The following KCNH1 variants were observed in gnomAD, a reference collection of about 807,000 sequenced individuals.
The protein encoded by KCNH1 is potassium voltage-gated channel subfamily H member 1.
In KCNH1, 27 loss-of-function variants were observed where a neutral mutation model predicts 69.2. The ratio of observed to expected loss-of-function variants is 0.39; its 90% CI spans 0.29 to 0.54. The LOEUF is 0.54. KCNH1 is among the 20% of genes least tolerant of loss of function. The pLI is 0.68. For missense variants in KCNH1, 798 were observed against 1,261.6 expected, an observed-to-expected ratio of 0.63 and a Z score of 5.57; for synonymous variants, 456 against 487.7, an observed-to-expected ratio of 0.93 and a Z score of 0.86.
intron 2 of KCNH1, among the ~76,000 whole-genome samples, chr1:211,106,851 A>G (rs1181440229): frequency 6.6e-6 from 1 of 152,216 alleles, no homozygotes; most frequent in Non-Finnish European, 1.5e-5. Context: ...CCTTGTCTCC[A>G]ACATTGTAGT....
intron 10 of KCNH1, among the ~76,000 whole-genome samples, chr1:210,753,165 G>A (rs1192740773): frequency 3.3e-5 from 5 of 152,154 alleles, no homozygotes; most frequent in Non-Finnish European, 7.4e-5. Flanking sequence ...CCAAATTTAT[G>A]ATAATCTGCT....
At chr1:210,985,888 A>G (rs1202613765) in intron 6 of KCNH1, among the ~76,000 whole-genome samples, 4 of 152,108 alleles carry the variant, frequency 2.6e-5, no homozygotes, top group Non-Finnish European at 5.9e-5. Context: ...TAGGGTGTTA[A>G]AGTCTCCCAT....
intron 6 of KCNH1, among the ~76,000 whole-genome samples, chr1:210,929,626 G>C (rs887306272): frequency 6.6e-6 from 1 of 152,134 alleles, no homozygotes; most frequent in African/African-American, 2.4e-5. Flanking sequence ...AACAAGACAA[G>C]GTTGCCCACT....
chr1:211,103,120 T>A (rs929731763), intron 3 of KCNH1, among the ~76,000 whole-genome samples: 1 of 152,240 alleles, frequency 6.6e-6, no homozygotes, highest in African/African-American at 2.4e-5. Context: ...TGCTAAGTGC[T>A]GTGGAAGATA....
At chr1:210,859,183 C>T (rs1048891449) in intron 7 of KCNH1, 1 of 1,579,750 alleles carries the variant, frequency 6.3e-7, no homozygotes, top group African/African-American at 1.3e-5. Flanking sequence ...CTCAATTCAT[C>T]CCTGGTACTG....
At chr1:211,048,232 T>C (rs1690129540) in intron 5 of KCNH1, among the ~76,000 whole-genome samples, 1 of 152,226 alleles carries the variant, frequency 6.6e-6, no homozygotes, top group African/African-American at 2.4e-5. Flanking sequence ...ACACTGCCGG[T>C]GTGAATGTTA....
chr1:210,843,693 G>C (rs17267227), intron 7 of KCNH1, among the ~76,000 whole-genome samples: 4,243 of 152,214 alleles, frequency 0.028, 95 homozygotes, highest in Middle Eastern at 0.065. Context: ...GTGTAGAAAG[G>C]AGCACAGCAT....
At chr1:210,898,505 G>C (rs939489033) in intron 7 of KCNH1, among the ~76,000 whole-genome samples, 1 of 152,114 alleles carries the variant, frequency 6.6e-6, no homozygotes, top group Non-Finnish European at 1.5e-5. Flanking sequence ...AGACACCTCA[G>C]GGATTCAGAA....
intron 10 of KCNH1, among the ~76,000 whole-genome samples, chr1:210,738,578 T>C (rs1242159349): frequency 7.3e-6 from 1 of 136,278 alleles, no homozygotes; most frequent in African/African-American, 3.1e-5. Flanking sequence ...TTTTTTTTTT[T>C]TTTCTGAGAC....
intron 7 of KCNH1, among the ~76,000 whole-genome samples, chr1:210,845,932 A>C (rs1479002436): frequency 7.2e-5 from 11 of 152,238 alleles, no homozygotes; most frequent in African/African-American, 2.7e-4. Flanking sequence ...TTATACACCA[A>C]TAACAGACAA....
intron 5 of KCNH1, among the ~76,000 whole-genome samples, chr1:211,073,656 T>C (rs1325143060): frequency 1.3e-5 from 2 of 152,098 alleles, no homozygotes; most frequent in African/African-American, 2.4e-5. Flanking sequence ...AAATAAAATA[T>C]ATTTTAACTA....
At chr1:210,880,093 G>A (rs909054583) in intron 7 of KCNH1, among the ~76,000 whole-genome samples, 3 of 152,078 alleles carry the variant, frequency 2.0e-5, no homozygotes, top group Admixed American at 2.0e-4. Flanking sequence ...AATTAAAGAA[G>A]AAAATAAATA....
At chr1:210,877,735 A>T (rs905633455) in intron 7 of KCNH1, among the ~76,000 whole-genome samples, 2 of 152,200 alleles carry the variant, frequency 1.3e-5, no homozygotes, top group African/African-American at 4.8e-5. Flanking sequence ...CTAACACTGG[A>T]AATAAAAATT....
At chr1:210,792,385 C>T (rs1684227772) in intron 9 of KCNH1, among the ~76,000 whole-genome samples, 1 of 152,204 alleles carries the variant, frequency 6.6e-6, no homozygotes, top group Admixed American at 6.5e-5. Flanking sequence ...TAACCTCTGC[C>T]TTCCTTTCAA....
At chr1:210,807,530 T>C (rs1459909078) in intron 7 of KCNH1, among the ~76,000 whole-genome samples, 1 of 151,936 alleles carries the variant, frequency 6.6e-6, no homozygotes, top group Non-Finnish European at 1.5e-5. Flanking sequence ...AAGAATCACT[T>C]GAACCTGGGA....
intron 10 of KCNH1, among the ~76,000 whole-genome samples, chr1:210,721,424 A>C (rs1184598831): frequency 6.6e-6 from 1 of 152,128 alleles, no homozygotes; most frequent in Non-Finnish European, 1.5e-5. Context: ...GGGTTAATAA[A>C]ATTTTTAGAT....
At position 210,679,774 on chromosome 1, in the gene KCNH1, G is replaced by T. The variant is rs1387206155; in HGVS notation, c.*3507C>A. 2.0e-5 allele frequency: 3 copies of T among 152,170 alleles called. No homozygotes were observed. Among genetic ancestry groups the T allele is most frequent in the African/African-American group, 4.8e-5 (2 of 41,448 alleles). 9.4% of individuals were successfully genotyped at this position (152,170 alleles called of 1,614,324 possible). The stretch of plus-strand genomic sequence containing the variant: ...AGCAGCACACTGGATCGAAGAGGTT[G>T]TGGGTAAAACAGTCCCCAGGGATTG... On this transcript the variant is annotated 3_prime_UTR_variant, in exon 11 of 11. Coordinates refer to ENST00000271751, the MANE Select transcript of KCNH1 (RefSeq NM_172362.3).
intron 5 of KCNH1, among the ~76,000 whole-genome samples, chr1:211,061,440 A>T (rs1052242117): frequency 1.3e-5 from 2 of 152,216 alleles, no homozygotes; most frequent in African/African-American, 4.8e-5. Flanking sequence ...GTTATTCAAC[A>T]TAGTACTGGA....
chr1:210,744,399 ACTTT>A (rs1683100835), intron 10 of KCNH1, among the ~76,000 whole-genome samples: 1 of 152,176 alleles, frequency 6.6e-6, no homozygotes, highest in African/African-American at 2.4e-5. Context: ...TAATCCCAGC[ACTTT>A]GGGAGACCTA....
Sources: gnomAD v4.1 joint callset for allele counts (sites outside exome capture counted in the v4.1 genomes callset) on GRCh38, gnomAD v4.1.1 for gene constraint, MANE v1.5 for transcripts, NCBI Gene and HGNC (gene_info 2026-07-23, HGNC 2026-07-21) for gene names.